The following TMEM123 variants were observed in gnomAD, a reference collection of about 807,000 sequenced individuals.
TMEM123 encodes transmembrane protein 123, also known as porimin.
In TMEM123, 16 loss-of-function variants were observed where a neutral mutation model predicts 19.7. That is an observed-to-expected ratio of 0.81 (90% confidence interval 0.55 to 1.23). TMEM123 has a LOEUF of 1.23. Among genes scored for constraint, TMEM123 ranks in the 50% most tolerant of loss-of-function variants. TMEM123 has a pLI of 0.00. For missense variants in TMEM123, 313 were observed against 257.8 expected (o/e 1.21, Z -1.47); for synonymous variants, 118 against 99.4 (o/e 1.19, Z -1.12).
chr11:102,422,429 G>A (rs1952095410), intron 2 of TMEM123, among the ~76,000 whole-genome samples: 1 of 152,082 alleles, frequency 6.6e-6, no homozygotes, highest in Non-Finnish European at 1.5e-5. Flanking sequence ...AGCCGAGATT[G>A]TGTCACTGCA....
intron 2 of TMEM123, among the ~76,000 whole-genome samples, chr11:102,438,636 G>A (rs781517488): frequency 1.2e-4 from 18 of 152,172 alleles, no homozygotes; most frequent in South Asian, 4.1e-4. Context: ...CAAGATGGCC[G>A]AATAGGAACA....
intron 4 of TMEM123, among the ~76,000 whole-genome samples, chr11:102,399,636 A>G (rs1591551886): frequency 6.6e-6 from 1 of 152,242 alleles, no homozygotes; most frequent in Non-Finnish European, 1.5e-5. Flanking sequence ...GTTTGATATG[A>G]TAAATATATG....
chr11:102,399,794 A>C (rs1013322802), intron 4 of TMEM123, among the ~76,000 whole-genome samples: 6 of 152,252 alleles, frequency 3.9e-5, no homozygotes, highest in Admixed American at 3.3e-4. Context: ...ACATGGTGAA[A>C]CCCCATCTCT....
chr11:102,438,225 G>C (rs1421086912), intron 2 of TMEM123, among the ~76,000 whole-genome samples: 3 of 152,026 alleles, frequency 2.0e-5, no homozygotes, highest in Non-Finnish European at 1.5e-5. Context: ...GCTAATTTTT[G>C]TATTTTCAGT....
chr11:102,433,600 T>C (rs1857734227), intron 2 of TMEM123, among the ~76,000 whole-genome samples: 1 of 151,810 alleles, frequency 6.6e-6, no homozygotes, highest in Admixed American at 6.6e-5. Context: ...AGTTAAGACT[T>C]TGGAAGACTG....
chr11:102,419,663 A>G (rs1952070284), intron 2 of TMEM123, among the ~76,000 whole-genome samples: 1 of 152,248 alleles, frequency 6.6e-6, no homozygotes. Context: ...ATAGGTCTCT[A>G]TTAGAAGAAT....
At chr11:102,452,416 G>C in intron 1 of TMEM123, 108 bp downstream of exon 1, 1 of 980,944 alleles carries the variant, frequency 1.0e-6, no homozygotes, top group Middle Eastern at 2.8e-4. Context: ...CCGAGCGTTC[G>C]GCCAGACACA....
At chr11:102,399,007 G>T (rs75055689) in intron 4 of TMEM123, 116 bp from the exon 5 acceptor site, 53,792 of 933,936 alleles carry the variant, frequency 0.058, 1,931 homozygotes, top group Non-Finnish European at 0.073. Flanking sequence ...CAATCAAAAT[G>T]GTCAGTGTTC....
In TMEM123 at chr11:102,446,979, TAAAAAG is replaced by T. The variant is rs948904976; in HGVS notation, c.157+1827_157+1832del. Among the ~76,000 whole-genome samples the T allele has an allele frequency of 1.4e-4, 22 of 152,272 alleles. 1 individual carries two copies. Among genetic ancestry groups the T allele is most frequent in the East Asian group, 5.8e-4 (3 of 5,192 alleles). ...AAGCTTCAACAATGGTCTATGTAAC[TAAAAAG>T]AAAAACAGTTAAGCATCCATCCTAT... On this transcript the variant is annotated intron_variant, in intron 2 of 4. Transcript: ENST00000398136.
At position 102,397,836 on chromosome 11, in the gene TMEM123, A is replaced by G. The variant is rs1591551239; in HGVS notation, c.*1031T>C. 1 of 152,198 alleles carries G rather than the reference A, an allele frequency of 6.6e-6. No homozygotes were observed. The highest frequency in any genetic ancestry group is 1.9e-4 in the East Asian group (1 of 5,202). 9.4% of individuals were successfully genotyped at this position (152,198 alleles called of 1,614,324 possible). ...CCACAATCCCTGGCTTAATAAACAC[A>G]GCATTACGCTATAGTTTTGACTCTA... On this transcript the variant is annotated 3_prime_UTR_variant, in exon 5 of 5. Coordinates refer to ENST00000398136, the MANE Select transcript of TMEM123 (RefSeq NM_052932.3).
intron 4 of TMEM123, 74 bp from the exon 5 acceptor site, chr11:102,398,965 G>A (rs1951885606): frequency 5.9e-6 from 8 of 1,347,896 alleles, no homozygotes; most frequent in Non-Finnish European, 7.3e-6. Flanking sequence ...CTATTTGTTA[G>A]TAAAGTAGGA....
At chr11:102,422,389 G>A (rs900007197) in intron 2 of TMEM123, among the ~76,000 whole-genome samples, 12 of 152,080 alleles carry the variant, frequency 7.9e-5, no homozygotes, top group African/African-American at 1.9e-4. Context: ...CAGGAGAATC[G>A]CTTGAACCTG....
intron 4 of TMEM123, 125 bp from the exon 5 acceptor site, chr11:102,399,016 T>A: frequency 1.2e-6 from 1 of 863,862 alleles, no homozygotes; most frequent in Non-Finnish European, 1.8e-6. Flanking sequence ...TGGTCAGTGT[T>A]CTGTGTAAAG....
chr11:102,426,030 T>C (rs1336121678), intron 2 of TMEM123, among the ~76,000 whole-genome samples: 3 of 152,244 alleles, frequency 2.0e-5, no homozygotes, highest in African/African-American at 7.2e-5. Context: ...CATGGTGATA[T>C]TTATGTCATG....
chr11:102,403,486 T>C (rs947511529), intron 2 of TMEM123, among the ~76,000 whole-genome samples: 13 of 152,224 alleles, frequency 8.5e-5, no homozygotes, highest in African/African-American at 2.9e-4. Flanking sequence ...TAGGTACCTA[T>C]TAGGATACAA....
At chr11:102,440,303 G>C (rs367777138) in intron 2 of TMEM123, among the ~76,000 whole-genome samples, 11 of 152,296 alleles carry the variant, frequency 7.2e-5, no homozygotes, top group African/African-American at 2.6e-4. Flanking sequence ...CAGAGAGAAA[G>C]GTTGGGTTAT....
chr11:102,428,062 CATG>C (rs1952144684), intron 2 of TMEM123, among the ~76,000 whole-genome samples: 2 of 152,010 alleles, frequency 1.3e-5, no homozygotes, highest in Non-Finnish European at 2.9e-5. Context: ...TTAACCAGGC[CATG>C]CATGGAGTCT....
chr11:102,410,983 C>G (rs926499808), intron 2 of TMEM123, among the ~76,000 whole-genome samples: 2 of 152,014 alleles, frequency 1.3e-5, no homozygotes, highest in African/African-American at 4.8e-5. Flanking sequence ...TATATTTGGT[C>G]TTTGTCCCTG....
chr11:102,401,811 G>A, intron 3 of TMEM123, 105 bp downstream of exon 3: 2 of 1,490,794 alleles, frequency 1.3e-6, no homozygotes, highest in Non-Finnish European at 1.8e-6. Flanking sequence ...GGGAAATCTA[G>A]GCATATAAAG....
Sources: allele counts gnomAD v4.1 joint callset (sites outside exome capture counted in the v4.1 genomes callset), GRCh38; gene constraint gnomAD v4.1.1; transcripts MANE v1.5; gene names NCBI Gene and HGNC (gene_info 2026-07-23, HGNC 2026-07-21).